The following EPHA6 variants were observed in gnomAD, a reference collection of about 807,000 sequenced individuals.
EPHA6 encodes ephrin type-A receptor 6.
EPHA6 carries 50 observed loss-of-function variants against 112.0 expected under a neutral mutation model. That is an observed-to-expected ratio of 0.45 (90% CI 0.36 to 0.56). EPHA6 has a LOEUF of 0.56. EPHA6 is among the 20% of genes least tolerant of loss of function. EPHA6 has a pLI of 0.00. For missense variants in EPHA6, 1,280 were observed against 1,417.4 expected (o/e 0.90, Z 1.56); for synonymous variants, 529 against 490.7 (o/e 1.08, Z -1.03).
At chr3:97,137,534 A>G (rs1048240782) in intron 3 of EPHA6, among the ~76,000 whole-genome samples, 4 of 152,214 alleles carry the variant, frequency 2.6e-5, no homozygotes, top group Non-Finnish European at 4.4e-5. Flanking sequence ...GCTAATGCTC[A>G]TAACAGGGCC....
Position 97,646,366 on chromosome 3 carries a change from A to T in EPHA6, c.2784+8284A>T, listed in dbSNP as rs370305021. 110 of 1,169,594 alleles carry T rather than the reference A, an allele frequency of 9.4e-5. No individual in the cohort carries two copies. In the South Asian group the frequency reaches 2.2e-3, roughly 24 times the overall value. 72.5% of individuals were successfully genotyped at this position (1,169,594 alleles called of 1,614,324 possible). On this transcript the variant is annotated intron_variant, in intron 14 of 17. Transcript: ENST00000389672. ...CTATACATGTAATATATAAGACAGT[A>T]TTGTCCACATTTCAAAATACACTAA...
Position 97,185,521 on chromosome 3 carries a change from A to G in EPHA6, c.1115-40743A>G, listed in dbSNP as rs191194490. Among the ~76,000 whole-genome samples, 144 of 152,126 alleles carry G rather than the reference A, an allele frequency of 9.5e-4. 1 individual carries two copies. The highest frequency in any genetic ancestry group is 3.3e-3 in the African/African-American group (136 of 41,474). On this transcript the variant is annotated intron_variant, in intron 3 of 17. Coordinates refer to ENST00000389672, the MANE Select transcript of EPHA6 (RefSeq NM_001080448.3). ...CAAATCAAAACCACAATGAGATACC[A>G]TCTCACAATTAGAATGGTGATGATC...
chr3:97,622,846 AATG>A (rs1474689551), intron 13 of EPHA6, among the ~76,000 whole-genome samples: 1 of 151,712 alleles, frequency 6.6e-6, no homozygotes, highest in Non-Finnish European at 1.5e-5. Flanking sequence ...TAATTTCTGT[AATG>A]ATTTGTGGTT....
intron 11 of EPHA6, among the ~76,000 whole-genome samples, chr3:97,583,538 CA>C (rs561602490): frequency 0.013 from 1,230 of 97,156 alleles, 6 homozygotes; most frequent in Non-Finnish European, 0.018. Flanking sequence ...GACTCTGTCT[CA>C]AAAAAAAAAA....
At position 97,332,432 on chromosome 3, in the gene EPHA6, A is replaced by T. The variant is rs933468156; in HGVS notation, c.1607-72718A>T. 2.0e-4 allele frequency among the ~76,000 whole-genome samples: 30 copies of T among 152,092 alleles called. 1 individual carries two copies. Among genetic ancestry groups the T allele is most frequent in the Admixed American group, 6.6e-4 (10 of 15,244 alleles). ...GGGCAATCAGGCAGGAGAAGGAAAT[A>T]AAGGGTATTCAATTAGGAAAAGAGG... On this transcript the variant is annotated intron_variant, in intron 5 of 17. Coordinates refer to ENST00000389672, the MANE Select transcript of EPHA6 (RefSeq NM_001080448.3).
In EPHA6 at chr3:96,890,121, T is replaced by TAA. The variant is rs201453352; in HGVS notation, c.450+23242_450+23243dup. On this transcript the variant is annotated intron_variant, in intron 2 of 17. Transcript: ENST00000389672. Reference sequence around the variant, plus strand: ...TATTTATTAAACCGAACCCCCAAAATAAAAAAAAAAACATAAAAATATAAA... The same window carrying TAA: ...TATTTATTAAACCGAACCCCCAAAATAAAAAAAAAAAAACATAAAAATATAAA... Among the ~76,000 whole-genome samples, 245 of 140,736 alleles carry TAA rather than the reference T, an allele frequency of 1.7e-3. 1 individual carries two copies. Among genetic ancestry groups the TAA allele is most frequent in the African/African-American group, 5.6e-3 (216 of 38,774 alleles). 92.3% of individuals were successfully genotyped at this position (140,736 alleles called of 152,430 possible).
At chr3:97,178,167 G>A (rs1312336312) in intron 3 of EPHA6, among the ~76,000 whole-genome samples, 1 of 151,710 alleles carries the variant, frequency 6.6e-6, no homozygotes, top group East Asian at 1.9e-4. Context: ...ACCCACTATT[G>A]TAACCTTATA....
At chr3:97,443,357 C>T (rs1305687031) in intron 6 of EPHA6, among the ~76,000 whole-genome samples, 1 of 119,704 alleles carries the variant, frequency 8.4e-6, no homozygotes, top group Non-Finnish European at 1.7e-5. Context: ...ATTAAGACAT[C>T]GCAAAAAAAA....
At chr3:96,930,741 C>T (rs1008849439) in intron 2 of EPHA6, among the ~76,000 whole-genome samples, 6 of 151,914 alleles carry the variant, frequency 3.9e-5, no homozygotes, top group Non-Finnish European at 5.9e-5. Context: ...CCTGTAATCC[C>T]GGAACTTTGG....
intron 3 of EPHA6, among the ~76,000 whole-genome samples, chr3:97,009,836 C>T (rs982355400): frequency 7.2e-5 from 11 of 152,188 alleles, no homozygotes; most frequent in Admixed American, 5.2e-4. Flanking sequence ...CTGGAGGGAA[C>T]AGACTCCCCT....
At chr3:96,846,681 G>GA (rs1454254903) in intron 1 of EPHA6, among the ~76,000 whole-genome samples, 5 of 152,054 alleles carry the variant, frequency 3.3e-5, no homozygotes, top group East Asian at 1.9e-4. Flanking sequence ...TTGGTTCAGT[G>GA]AAAAAAATGA....
At chr3:97,525,136 T>C (rs2092600762) in intron 10 of EPHA6, among the ~76,000 whole-genome samples, 1 of 152,196 alleles carries the variant, frequency 6.6e-6, no homozygotes, top group Non-Finnish European at 1.5e-5. Flanking sequence ...TTTATATTTG[T>C]ACATTTGATG....
At chr3:97,197,196 T>C (rs946378544) in intron 3 of EPHA6, among the ~76,000 whole-genome samples, 1 of 152,044 alleles carries the variant, frequency 6.6e-6, no homozygotes, top group Non-Finnish European at 1.5e-5. Context: ...AGCTGCAAGA[T>C]AAAGTTCCCT....
chr3:97,546,939 C>T (rs1372859958), intron 11 of EPHA6, among the ~76,000 whole-genome samples: 2 of 152,196 alleles, frequency 1.3e-5, no homozygotes, highest in Non-Finnish European at 2.9e-5. Flanking sequence ...GACTTCTCTG[C>T]ATTGGTTATT....
intron 4 of EPHA6, among the ~76,000 whole-genome samples, chr3:97,241,186 A>C (rs1376657522): frequency 6.6e-6 from 1 of 151,852 alleles, no homozygotes; most frequent in Non-Finnish European, 1.5e-5. Context: ...AGTTAAAAAA[A>C]AAAAGCTAGT....
chr3:97,174,726 A>C (rs1027235038), intron 3 of EPHA6, among the ~76,000 whole-genome samples: 2 of 151,728 alleles, frequency 1.3e-5, no homozygotes, highest in Admixed American at 1.3e-4. Context: ...TATTTTGCCC[A>C]TGTGTTGATC....
chr3:97,404,465 C>T (rs1397003162), intron 5 of EPHA6, among the ~76,000 whole-genome samples: 4 of 151,992 alleles, frequency 2.6e-5, no homozygotes, highest in African/African-American at 7.2e-5. Context: ...AAAGTATTTT[C>T]TAAAAGGTGC....
At chr3:97,596,067 G>T (rs1218642335) in intron 12 of EPHA6, among the ~76,000 whole-genome samples, 1 of 151,680 alleles carries the variant, frequency 6.6e-6, no homozygotes, top group Non-Finnish European at 1.5e-5. Flanking sequence ...CACCGCTCCC[G>T]GCTAATTTTT....
At chr3:97,084,724 C>G (rs2108210309) in intron 3 of EPHA6, among the ~76,000 whole-genome samples, 1 of 152,056 alleles carries the variant, frequency 6.6e-6, no homozygotes, top group East Asian at 1.9e-4. Flanking sequence ...AGGATAGTTA[C>G]AAAACACTGC....
Sources: allele counts gnomAD v4.1 joint callset (sites outside exome capture counted in the v4.1 genomes callset), GRCh38; gene constraint gnomAD v4.1.1; transcripts MANE v1.5; gene names NCBI Gene and HGNC (gene_info 2026-07-23, HGNC 2026-07-21).